Variants in SEMA6D observed in about 807,000 individuals in gnomAD.
The protein encoded by SEMA6D is semaphorin 6D, also known as semaphorin-6D.
SEMA6D carries 35 observed loss-of-function variants against 106.6 expected under a neutral mutation model. The observed-to-expected ratio is 0.33, with a 90% CI of 0.25 to 0.44. The LOEUF (loss-of-function observed/expected upper bound fraction) is 0.44. Among genes scored for constraint, SEMA6D ranks in the 20% least tolerant of loss-of-function variants. SEMA6D has a pLI of 1.00. For synonymous variants in SEMA6D, 499 were observed against 487.7 expected, an observed-to-expected ratio of 1.02 and a Z score of -0.31; for missense variants, 1,185 against 1,345.9, an observed-to-expected ratio of 0.88 and a Z score of 1.87.
chr15:47,186,764 A>G (rs1235265993), intron 1 of SEMA6D, among the ~76,000 whole-genome samples: 1 of 152,186 alleles, frequency 6.6e-6, no homozygotes, highest in Non-Finnish European at 1.5e-5. Flanking sequence ...TCATTTAACC[A>G]TCTTCCCACA....
At chr15:47,348,858 C>T (rs2038195539) in intron 1 of SEMA6D, among the ~76,000 whole-genome samples, 1 of 151,964 alleles carries the variant, frequency 6.6e-6, no homozygotes, top group Middle Eastern at 3.4e-3. Flanking sequence ...ATTTAGGTAG[C>T]ATCCTGATGA....
intron 1 of SEMA6D, among the ~76,000 whole-genome samples, chr15:47,205,183 A>G (rs1486667859): frequency 6.6e-6 from 1 of 152,184 alleles, no homozygotes; most frequent in Non-Finnish European, 1.5e-5. Context: ...AGTTCCAATC[A>G]TTGTAGATAC....
At chr15:47,645,614 C>A (rs1596521802) in intron 4 of SEMA6D, among the ~76,000 whole-genome samples, 1 of 152,026 alleles carries the variant, frequency 6.6e-6, no homozygotes, top group Admixed American at 6.5e-5. Flanking sequence ...TCAGCGGACA[C>A]CAGCTGGATG....
At chr15:47,381,727 G>A (rs990641219) in intron 1 of SEMA6D, among the ~76,000 whole-genome samples, 3 of 152,154 alleles carry the variant, frequency 2.0e-5, no homozygotes, top group African/African-American at 7.2e-5. Context: ...TAAATTCAAG[G>A]TAACGTGATA....
intron 1 of SEMA6D, among the ~76,000 whole-genome samples, chr15:47,210,433 G>A (rs1331577817): frequency 2.0e-5 from 3 of 151,868 alleles, no homozygotes; most frequent in Non-Finnish European, 2.9e-5. Context: ...ATCAAGTTAC[G>A]TGCCCAAACC....
intron 1 of SEMA6D, among the ~76,000 whole-genome samples, chr15:47,260,314 T>C (rs1477863241): frequency 6.6e-6 from 1 of 152,184 alleles, no homozygotes; most frequent in East Asian, 1.9e-4. Flanking sequence ...CTGCATCTTA[T>C]TTAAATTTTT....
chr15:47,319,972 C>T (rs1401442161), intron 1 of SEMA6D, among the ~76,000 whole-genome samples: 2 of 152,114 alleles, frequency 1.3e-5, no homozygotes, highest in Non-Finnish European at 2.9e-5. Flanking sequence ...CTGTGAGTCT[C>T]TAAGTCACAA....
intron 4 of SEMA6D, among the ~76,000 whole-genome samples, chr15:47,651,701 C>T (rs2077695723): frequency 1.3e-5 from 2 of 152,200 alleles, no homozygotes; most frequent in Non-Finnish European, 2.9e-5. Context: ...GATTCATGTC[C>T]CACTCTAGAT....
At chr15:47,750,551 C>G (rs1024814706) in intron 1 of SEMA6D, among the ~76,000 whole-genome samples, 1 of 152,156 alleles carries the variant, frequency 6.6e-6, no homozygotes, top group South Asian at 2.1e-4. Flanking sequence ...CTCCACTGCT[C>G]CTGTCAGGCC....
At chr15:47,751,346 G>A (rs893663169) in intron 1 of SEMA6D, among the ~76,000 whole-genome samples, 19 of 152,144 alleles carry the variant, frequency 1.2e-4, no homozygotes, top group African/African-American at 4.3e-4. Flanking sequence ...CAATCAAGTT[G>A]CTTCTCTTTG....
intron 3 of SEMA6D, among the ~76,000 whole-genome samples, chr15:47,509,351 CAT>C (rs771799051): frequency 5.9e-5 from 9 of 152,290 alleles, no homozygotes; most frequent in African/African-American, 1.2e-4. Flanking sequence ...TGGAAGAACA[CAT>C]GTCTCAATTC....
At chr15:47,728,895 G>A (rs74011228) in intron 1 of SEMA6D, among the ~76,000 whole-genome samples, 2,161 of 152,138 alleles carry the variant, frequency 0.014, 55 homozygotes, top group African/African-American at 0.049. Context: ...GGTTAGCTTC[G>A]GACCACTCAG....
chr15:47,283,763 C>T (rs868424884), intron 1 of SEMA6D, among the ~76,000 whole-genome samples: 1 of 152,300 alleles, frequency 6.6e-6, no homozygotes, highest in Middle Eastern at 3.4e-3. Flanking sequence ...GAGCCTGTCT[C>T]AACCCTGTGT....
Position 47,491,464 on chromosome 15 carries a change from AT to A in SEMA6D, c.-87+20925del, listed in dbSNP as rs11439542. Among the ~76,000 whole-genome samples the A allele has an allele frequency of 2.0e-5, 3 of 152,244 alleles. No homozygotes were observed. The East Asian group carries it at 5.8e-4, about 29-fold the overall frequency. On this transcript the variant is annotated intron_variant, in intron 3 of 19. Transcript: ENST00000558014. ...AAAAATAGGCAAAAATAAGCAATACATTTTTTATGCAAATATATGTGGCTTC... is the reference window on the plus strand; with the variant it reads ...AAAAATAGGCAAAAATAAGCAATACATTTTTATGCAAATATATGTGGCTTC...
At chr15:47,232,139 A>G (rs1310754388) in intron 1 of SEMA6D, among the ~76,000 whole-genome samples, 1 of 152,040 alleles carries the variant, frequency 6.6e-6, no homozygotes, top group Non-Finnish European at 1.5e-5. Context: ...CTTTCAATTA[A>G]CATAGTGTTT....
intron 4 of SEMA6D, among the ~76,000 whole-genome samples, chr15:47,646,389 A>G (rs2077583182): frequency 6.6e-6 from 1 of 152,354 alleles, no homozygotes; most frequent in Middle Eastern, 3.4e-3. Flanking sequence ...GTGCCTACCT[A>G]GACATGAGAA....
chr15:47,606,687 A>G (rs939057391), intron 4 of SEMA6D, among the ~76,000 whole-genome samples: 1 of 152,188 alleles, frequency 6.6e-6, no homozygotes, highest in Admixed American at 6.5e-5. Flanking sequence ...TTTCAAGGAA[A>G]TCTGGTGTCC....
At chr15:47,607,819 G>A (rs1438790404) in intron 4 of SEMA6D, among the ~76,000 whole-genome samples, 2 of 152,232 alleles carry the variant, frequency 1.3e-5, no homozygotes, top group African/African-American at 4.8e-5. Context: ...TTTAAAGAGA[G>A]AGAAGCTGGT....
intron 2 of SEMA6D, among the ~76,000 whole-genome samples, chr15:47,452,802 A>G (rs997305502): frequency 6.6e-6 from 1 of 151,956 alleles, no homozygotes; most frequent in Non-Finnish European, 1.5e-5. Flanking sequence ...AGGAATTTCA[A>G]TTTGGTCTTC....
Sources: allele counts gnomAD v4.1 joint callset (sites outside exome capture counted in the v4.1 genomes callset), GRCh38; gene constraint gnomAD v4.1.1; transcripts MANE v1.5; gene names NCBI Gene and HGNC (gene_info 2026-07-23, HGNC 2026-07-21).